SV2C: variants seen among roughly 807,000 people sequenced by gnomAD.
SV2C encodes synaptic vesicle glycoprotein 2C.
A neutral mutation model predicts 79.7 loss-of-function variants in SV2C; 49 were observed. The observed-to-expected ratio is 0.61, with a 90% CI of 0.49 to 0.78. SV2C has a LOEUF of 0.78. Ranked by LOEUF, SV2C falls within the 30% of genes least tolerant of loss-of-function variation. SV2C has a pLI of 0.00. For missense variants in SV2C, 833 were observed against 912.9 expected (o/e 0.91, Z 1.13); for synonymous variants, 334 against 333.2 (o/e 1.00, Z -0.03).
At chr5:75,985,475 C>T in the SV2C span, among the ~76,000 whole-genome samples, 1 of 152,114 alleles carries the variant, frequency 6.6e-6, no homozygotes, top group Admixed American at 6.6e-5. Context: ...AAAGCCTGTG[C>T]TCTCTCCAGG....
At chr5:75,865,768 C>T in the SV2C span, among the ~76,000 whole-genome samples, 1 of 152,178 alleles carries the variant, frequency 6.6e-6, no homozygotes, top group East Asian at 1.9e-4. Context: ...GACGTTAATG[C>T]CACGTAGAAC....
chr5:75,889,366 C>T, the SV2C span, among the ~76,000 whole-genome samples: 2 of 151,474 alleles, frequency 1.3e-5, no homozygotes, highest in African/African-American at 4.8e-5. Context: ...TTTTCTGTTC[C>T]TGTGTTAGTT....
the SV2C span, among the ~76,000 whole-genome samples, chr5:75,882,101 TA>T: frequency 1.3e-5 from 2 of 150,202 alleles, no homozygotes; most frequent in African/African-American, 5.0e-5. Context: ...GGACTACATT[TA>T]TTGATTTGCA....
At chr5:75,900,683 C>T in the SV2C span, among the ~76,000 whole-genome samples, 2 of 152,074 alleles carry the variant, frequency 1.3e-5, no homozygotes, top group Non-Finnish European at 1.5e-5. Context: ...CCACTCTCCC[C>T]GTCACTTTCA....
intron 4 of SV2C, among the ~76,000 whole-genome samples, chr5:76,244,657 A>G (rs1337237830): frequency 6.6e-6 from 1 of 152,106 alleles, no homozygotes; most frequent in East Asian, 1.9e-4. Flanking sequence ...TTTATTGGAA[A>G]CCCTTGTTCT....
intron 1 of SV2C, among the ~76,000 whole-genome samples, chr5:76,122,311 T>A (rs1277608627): frequency 6.6e-6 from 1 of 151,594 alleles, no homozygotes; most frequent in Non-Finnish European, 1.5e-5. Flanking sequence ...TCATGTCGTC[T>A]GCAAACAGGG....
chr5:76,065,584 T>G, the SV2C span, among the ~76,000 whole-genome samples: 1 of 152,206 alleles, frequency 6.6e-6, no homozygotes, highest in Non-Finnish European at 1.5e-5. Flanking sequence ...AGAAATAATC[T>G]TTAACATTTT....
the SV2C span, among the ~76,000 whole-genome samples, chr5:75,936,201 C>G: frequency 6.6e-6 from 1 of 152,242 alleles, no homozygotes; most frequent in East Asian, 1.9e-4. Flanking sequence ...TGTCTTCCCT[C>G]TCTCTCTCCA....
chr5:76,353,284 C>A, exon 13 of SV2C: 1 of 281,192 alleles, frequency 3.6e-6, no homozygotes, highest in Non-Finnish European at 7.2e-6. Context: ...TTGAAATTTT[C>A]CAAATATATT....
At chr5:76,074,291 C>T in the SV2C span, among the ~76,000 whole-genome samples, 1 of 152,146 alleles carries the variant, frequency 6.6e-6, no homozygotes, top group Non-Finnish European at 1.5e-5. Context: ...GATGCGGTTC[C>T]ACTCTTCTCA....
the SV2C span, among the ~76,000 whole-genome samples, chr5:75,926,995 A>C: frequency 6.6e-6 from 1 of 152,220 alleles, no homozygotes; most frequent in Non-Finnish European, 1.5e-5. Context: ...TGGCGGAAGA[A>C]GATTTGACTG....
At chr5:76,145,192 C>T (rs1169201231) in intron 2 of SV2C, among the ~76,000 whole-genome samples, 1 of 152,174 alleles carries the variant, frequency 6.6e-6, no homozygotes, top group Admixed American at 6.5e-5. Flanking sequence ...AAAGGGGCTG[C>T]TTAATGTTTG....
chr5:76,169,150 C>T (rs1388231534), intron 2 of SV2C, among the ~76,000 whole-genome samples: 1 of 152,162 alleles, frequency 6.6e-6, no homozygotes, highest in East Asian at 1.9e-4. Flanking sequence ...ACAATTATCC[C>T]ATCAAACACT....
the SV2C span, among the ~76,000 whole-genome samples, chr5:76,012,344 T>C: frequency 2.0e-5 from 3 of 152,224 alleles, no homozygotes; most frequent in Non-Finnish European, 4.4e-5. Flanking sequence ...TTGATTTGCA[T>C]TTCGCTAATG....
chr5:76,124,102 T>C (rs1056922556), intron 1 of SV2C, among the ~76,000 whole-genome samples: 11 of 152,202 alleles, frequency 7.2e-5, no homozygotes, highest in African/African-American at 2.7e-4. Context: ...TTTATTGTGA[T>C]AAAATACACA....
At chr5:76,020,241 C>T in the SV2C span, among the ~76,000 whole-genome samples, 1 of 152,144 alleles carries the variant, frequency 6.6e-6, no homozygotes, top group African/African-American at 2.4e-5. Context: ...TGAAGAATAA[C>T]GGACAAAGGA....
At chr5:75,878,948 C>T in the SV2C span, among the ~76,000 whole-genome samples, 20 of 152,262 alleles carry the variant, frequency 1.3e-4, no homozygotes, top group South Asian at 4.1e-4. Flanking sequence ...CTTACAATCA[C>T]GGCAGAAGGT....
At chr5:76,091,306 T>C (rs534290397) in intron 1 of SV2C, among the ~76,000 whole-genome samples, 4 of 152,350 alleles carry the variant, frequency 2.6e-5, no homozygotes, top group African/African-American at 9.6e-5. Context: ...ATCACTTCTG[T>C]GGTTCTCGTC....
intron 4 of SV2C, among the ~76,000 whole-genome samples, chr5:76,211,446 G>A (rs2112357734): frequency 6.7e-6 from 1 of 149,142 alleles, no homozygotes; most frequent in African/African-American, 2.5e-5. Context: ...GGAAAGGGGA[G>A]AGAAGTGTTC....
Sources: allele counts gnomAD v4.1 joint callset (sites outside exome capture counted in the v4.1 genomes callset), GRCh38; gene constraint gnomAD v4.1.1; transcripts MANE v1.5; gene names NCBI Gene and HGNC (gene_info 2026-07-23, HGNC 2026-07-21).